The following MFHAS1 variants were observed in gnomAD, a reference collection of about 807,000 sequenced individuals.
The protein encoded by MFHAS1 is multifunctional ROCO family signaling regulator 1.
MFHAS1 carries 50 observed loss-of-function variants against 70.4 expected under a neutral mutation model. That is an observed-to-expected ratio of 0.71 (90% CI 0.57 to 0.90). The LOEUF (loss-of-function observed/expected upper bound fraction) is 0.90. Among genes scored for constraint, MFHAS1 ranks in the 40% least tolerant of loss-of-function variants. The pLI, the probability that MFHAS1 is intolerant of heterozygous loss-of-function variation, is 0.00. For synonymous variants in MFHAS1, 952 were observed against 620.0 expected (o/e 1.54, Z -7.96); for missense variants, 1,795 against 1,347.6 (o/e 1.33, Z -5.20).
Position 8,890,835 on chromosome 8 carries a change from G to T in MFHAS1, c.2224C>A (p.Gln742Lys). 1 of 1,614,212 alleles carries T rather than the reference G, an allele frequency of 6.2e-7. No individual in the cohort carries two copies. The highest frequency in any genetic ancestry group is 8.5e-7 in the Non-Finnish European group (1 of 1,180,038). Residue 742 changes from glutamine (Q) to lysine (K), a missense_variant, in exon 1 of 3, where the codon CAG (glutamine) becomes AAG (lysine). By Grantham distance (53) the Gln-to-Lys change is moderately conservative (BLOSUM62 1). Coordinates refer to ENST00000276282, the MANE Select transcript of MFHAS1 (RefSeq NM_004225.3). Reference sequence around the variant, plus strand: ...TGCAGCAGCAAAGAGGGATCCCTCTGGAAGAAGACATTGAGGATGTCGATG... The same window carrying T: ...TGCAGCAGCAAAGAGGGATCCCTCTTGAAGAAGACATTGAGGATGTCGATG... ...RLIDILNVFF[Q>K]RDPSLLLHKL...
chr8:8,834,229 G>A (rs1807517533), intron 1 of MFHAS1, among the ~76,000 whole-genome samples: 1 of 152,210 alleles, frequency 6.6e-6, no homozygotes, highest in African/African-American at 2.4e-5. Context: ...GGTCCCATAA[G>A]ATTATAATGG....
chr8:8,803,243 G>A (rs772066698), intron 1 of MFHAS1, among the ~76,000 whole-genome samples: 13 of 152,074 alleles, frequency 8.5e-5, no homozygotes, highest in Non-Finnish European at 1.6e-4. Flanking sequence ...GGACGTGGTG[G>A]CTCATGCCTG....
At chr8:8,845,598 G>A (rs558252776) in intron 1 of MFHAS1, among the ~76,000 whole-genome samples, 1 of 151,980 alleles carries the variant, frequency 6.6e-6, no homozygotes, top group Non-Finnish European at 1.5e-5. Flanking sequence ...CTTCCTCAGT[G>A]GTCTTTTCTA....
chr8:8,880,183 C>T (rs1441093602), intron 1 of MFHAS1, among the ~76,000 whole-genome samples: 1 of 152,124 alleles, frequency 6.6e-6, no homozygotes, highest in African/African-American at 2.4e-5. Flanking sequence ...CATCTCCAGG[C>T]CTAGCCCCAA....
intron 1 of MFHAS1, among the ~76,000 whole-genome samples, chr8:8,833,955 G>A (rs1354219103): frequency 4.6e-5 from 7 of 151,766 alleles, no homozygotes; most frequent in Non-Finnish European, 1.0e-4. Context: ...GTAAAACCCC[G>A]TCTCTACTAA....
rs772599854 is a variant in MFHAS1, at chr8:8,891,634, C to T, written c.1425G>A (p.Val475=). The change falls in exon 1 of 3, where the codon GTG becomes GTA. Residue 475 remains valine (V), a synonymous_variant. Transcript: ENST00000276282. The surrounding 1 kb of genome is among the most constrained non-coding windows in gnomAD (Gnocchi z 5.4). ...AACTTTCATCCCCAGCTAAGTCATA[C>T]ACGATGAACCGCAGGCCCCGGGAGG... is the stretch of plus-strand genomic sequence containing the variant. ...ADASRGLRFI[V]YDLAGDESYE... is the part of the protein sequence containing the mutation. 5 of 1,613,652 alleles carry T rather than the reference C, an allele frequency of 3.1e-6. No individual in the cohort carries two copies. Among genetic ancestry groups the T allele is most frequent in the Non-Finnish European group, 4.2e-6 (5 of 1,180,036 alleles).
At chr8:8,878,699 G>C (rs772511789) in intron 1 of MFHAS1, among the ~76,000 whole-genome samples, 23 of 151,776 alleles carry the variant, frequency 1.5e-4, no homozygotes, top group Non-Finnish European at 2.8e-4. Context: ...AAGGAGGGAA[G>C]GACAGAAAGA....
In MFHAS1 at chr8:8,810,103, G is replaced by A. The variant is rs865841220; in HGVS notation, c.2999-12612C>T. ...GAAGCCAGGCCGGGCGCAGTGGCTC[G>A]CGCCTGTAATCCCATCACTTTGGGA... On this transcript the variant is annotated intron_variant, in intron 1 of 2. Coordinates refer to ENST00000276282, the MANE Select transcript of MFHAS1 (RefSeq NM_004225.3). Among the ~76,000 whole-genome samples the A allele has an allele frequency of 3.7e-3, 556 of 152,242 alleles. 4 individuals carry two copies. Among genetic ancestry groups the A allele is most frequent in the Non-Finnish European group, 6.2e-3 (420 of 67,992 alleles).
At chr8:8,872,784 A>G (rs535221185) in intron 1 of MFHAS1, among the ~76,000 whole-genome samples, 1 of 115,422 alleles carries the variant, frequency 8.7e-6, no homozygotes, top group South Asian at 3.6e-4. Context: ...AAATAAAAAT[A>G]AAAAAAAAGA....
chr8:8,801,713 T>G (rs774264641), intron 1 of MFHAS1, among the ~76,000 whole-genome samples: 1 of 152,194 alleles, frequency 6.6e-6, no homozygotes, highest in Non-Finnish European at 1.5e-5. Context: ...AACTAACTAT[T>G]GAGACCTTAC....
At chr8:8,816,166 G>C (rs960488501) in intron 1 of MFHAS1, among the ~76,000 whole-genome samples, 4 of 152,166 alleles carry the variant, frequency 2.6e-5, no homozygotes, top group African/African-American at 9.7e-5. Flanking sequence ...TGGGAGCCAG[G>C]AAGGAATGGA....
At chr8:8,871,801 C>T (rs1809085307) in intron 1 of MFHAS1, among the ~76,000 whole-genome samples, 1 of 152,196 alleles carries the variant, frequency 6.6e-6, no homozygotes, top group African/African-American at 2.4e-5. Flanking sequence ...GAATGGCATT[C>T]AAGAAGTGCC....
intron 1 of MFHAS1, among the ~76,000 whole-genome samples, chr8:8,842,393 C>G (rs530245589): frequency 6.6e-6 from 1 of 152,246 alleles, no homozygotes; most frequent in Admixed American, 6.5e-5. Flanking sequence ...ACCACGTTCA[C>G]CAGGCTGATC....
At chr8:8,810,444 G>A (rs1488340481) in intron 1 of MFHAS1, among the ~76,000 whole-genome samples, 1 of 152,168 alleles carries the variant, frequency 6.6e-6, no homozygotes, top group Non-Finnish European at 1.5e-5. Context: ...CCATTTACAG[G>A]AAATTTTCTT....
rs760655999 is a variant in MFHAS1, at chr8:8,890,581, C to T, written c.2478G>A (p.Lys826=). 1.5e-5 allele frequency: 25 copies of T among 1,613,670 alleles called. No individual in the cohort carries two copies. In the African/African-American group the frequency reaches 2.4e-4, roughly 16 times the overall value. Residue 826 remains lysine (K), a synonymous_variant, in exon 1 of 3, where the codon AAG becomes AAA. Coordinates refer to ENST00000276282, the MANE Select transcript of MFHAS1 (RefSeq NM_004225.3). Reference sequence around the variant, plus strand: ...TATTGAGGCAGTAACAGAGTCCCATCTTCTCCAGCAGCTCCAGCAACAGCT... The same window carrying T: ...TATTGAGGCAGTAACAGAGTCCCATTTTCTCCAGCAGCTCCAGCAACAGCT... ...DLQLLLELLE[K]MGLCYCLNKP...
At chr8:8,876,166 G>C (rs564195003) in intron 1 of MFHAS1, among the ~76,000 whole-genome samples, 11 of 152,252 alleles carry the variant, frequency 7.2e-5, no homozygotes, top group African/African-American at 2.4e-4. Flanking sequence ...GATGCCTAAA[G>C]TCACATAACT....
chr8:8,846,952 A>C (rs570395701), intron 1 of MFHAS1, among the ~76,000 whole-genome samples: 30 of 152,170 alleles, frequency 2.0e-4, no homozygotes, highest in Admixed American at 3.3e-4. Flanking sequence ...TGAAGGAATA[A>C]ACTTATTATG....
intron 1 of MFHAS1, among the ~76,000 whole-genome samples, chr8:8,850,355 C>A (rs1464582698): frequency 6.6e-6 from 1 of 151,972 alleles, no homozygotes; most frequent in African/African-American, 2.4e-5. Flanking sequence ...AGCACTGATA[C>A]CCAATCTGAA....
intron 1 of MFHAS1, among the ~76,000 whole-genome samples, chr8:8,798,219 T>C (rs1018279852): frequency 1.3e-5 from 2 of 152,360 alleles, no homozygotes; most frequent in Non-Finnish European, 2.9e-5. Context: ...CTCATCCATA[T>C]ACCCAGGGCA....
Sources: gnomAD v4.1 joint callset for allele counts (sites outside exome capture counted in the v4.1 genomes callset) on GRCh38, gnomAD v4.1.1 for gene constraint, Gnocchi (gnomAD v3.1) non-coding constraint, MANE v1.5 for transcripts, NCBI Gene and HGNC (gene_info 2026-07-23, HGNC 2026-07-21) for gene names.